Variants in AIG1 observed in about 807,000 individuals in gnomAD.
The protein encoded by AIG1 is androgen-induced gene 1 protein.
Under a neutral mutation model 31.4 loss-of-function variants are expected in AIG1, and 23 were observed. The ratio of observed to expected loss-of-function variants is 0.73; its 90% confidence interval spans 0.53 to 1.04. The LOEUF (loss-of-function observed/expected upper bound fraction) is 1.04. AIG1 is among the 50% of genes least tolerant of loss of function. The probability of loss-of-function intolerance (pLI) is 0.00; values close to 1 mark genes in which losing one functional copy is unlikely to be tolerated. For synonymous variants in AIG1, 100 were observed against 110.5 expected, an observed-to-expected ratio of 0.90 and a Z score of 0.60; for missense variants, 274 against 295.0, an observed-to-expected ratio of 0.93 and a Z score of 0.52.
At chr6:143,317,596 A>G (rs964520114) in intron 4 of AIG1, among the ~76,000 whole-genome samples, 2 of 152,186 alleles carry the variant, frequency 1.3e-5, no homozygotes, top group Non-Finnish European at 2.9e-5. Flanking sequence ...AACTGGAACA[A>G]GACAAGGATG....
At chr6:143,121,409 A>G (rs965810249) in intron 1 of AIG1, among the ~76,000 whole-genome samples, 1 of 152,244 alleles carries the variant, frequency 6.6e-6, no homozygotes, top group African/African-American at 2.4e-5. Flanking sequence ...ATATTTTTCA[A>G]AGTGCCTGAG....
intron 3 of AIG1, among the ~76,000 whole-genome samples, chr6:143,251,599 A>G (rs903813972): frequency 6.6e-6 from 1 of 152,182 alleles, no homozygotes; most frequent in Admixed American, 6.5e-5. Context: ...TGTGCTGCCT[A>G]TTATGGGTGC....
chr6:143,112,757 A>C (rs761229285), intron 1 of AIG1, among the ~76,000 whole-genome samples: 3 of 152,168 alleles, frequency 2.0e-5, no homozygotes, highest in Admixed American at 2.0e-4. Context: ...AACTCCTGGC[A>C]ACCCCATCAC....
intron 1 of AIG1, among the ~76,000 whole-genome samples, chr6:143,127,183 C>A (rs1480083240): frequency 2.0e-5 from 3 of 152,114 alleles, no homozygotes; most frequent in South Asian, 2.1e-4. Context: ...TATCATTTCC[C>A]CTTTAATTAA....
chr6:143,074,580 C>T (rs551247443), intron 1 of AIG1, among the ~76,000 whole-genome samples: 68 of 152,244 alleles, frequency 4.5e-4, no homozygotes, highest in African/African-American at 1.6e-3. Context: ...TTTCTGAGCT[C>T]TTGATTCTGT....
At position 143,257,040 on chromosome 6, in the gene AIG1, T is replaced by A. The variant is rs546605230; in HGVS notation, c.400-27070T>A. Reference sequence around the variant, plus strand: ...AAAGCATGCAGCTAGAGTCACAGAATCTACACATTTAAGATATCTTATGGC... The same window carrying A: ...AAAGCATGCAGCTAGAGTCACAGAAACTACACATTTAAGATATCTTATGGC... On this transcript the variant is annotated intron_variant, in intron 3 of 5. Coordinates refer to ENST00000357847, the MANE Select transcript of AIG1 (RefSeq NM_016108.4). Among the ~76,000 whole-genome samples, 4 of 152,354 alleles carry A rather than the reference T, an allele frequency of 2.6e-5. No individual in the cohort carries two copies. In the East Asian group the frequency reaches 5.8e-4, roughly 22 times the overall value.
At chr6:143,061,261 C>T (rs753595282) in intron 1 of AIG1, 195 bp downstream of exon 1, 1 of 732,530 alleles carries the variant, frequency 1.4e-6, no homozygotes, top group South Asian at 1.5e-5. Flanking sequence ...ACCTTCTGAA[C>T]CACTCACCGT....
intron 3 of AIG1, among the ~76,000 whole-genome samples, chr6:143,171,339 A>G (rs1368220523): frequency 7.5e-5 from 11 of 147,222 alleles, no homozygotes; most frequent in African/African-American, 1.5e-4. Context: ...ATGGTTTCCA[A>G]TTCCATCCAG....
chr6:143,169,590 A>G (rs547063446), intron 3 of AIG1, among the ~76,000 whole-genome samples: 30 of 151,924 alleles, frequency 2.0e-4, no homozygotes, highest in Non-Finnish European at 3.4e-4. Context: ...CAGCCTCTCC[A>G]TACTCTCCCC....
At chr6:143,269,621 A>G (rs933721019) in intron 3 of AIG1, among the ~76,000 whole-genome samples, 4 of 152,358 alleles carry the variant, frequency 2.6e-5, no homozygotes, top group Admixed American at 1.3e-4. Flanking sequence ...TAGTCACACA[A>G]TGGAGTACTA....
chr6:143,063,327 G>A (rs1328680111), intron 1 of AIG1, among the ~76,000 whole-genome samples: 2 of 152,212 alleles, frequency 1.3e-5, no homozygotes, highest in Admixed American at 1.3e-4. Flanking sequence ...GCTTCAGATT[G>A]TATAGGACCT....
At position 143,288,112 on chromosome 6, in the gene AIG1, G is replaced by A. The variant is rs67976828; in HGVS notation, c.515+3887G>A. 0.14 allele frequency among the ~76,000 whole-genome samples: 21,015 copies of A among 152,122 alleles called. 1,660 individuals are homozygous for A. Among genetic ancestry groups the A allele is most frequent in the East Asian group, 0.36 (1,876 of 5,166 alleles). Reference sequence around the variant, plus strand: ...TTTGCTCCACCTGGTGCAGCCGTCTGGGGCTGAATCTTTTCCCGGGCTGGC... The same window carrying A: ...TTTGCTCCACCTGGTGCAGCCGTCTAGGGCTGAATCTTTTCCCGGGCTGGC... On this transcript the variant is annotated intron_variant, in intron 4 of 5. Transcript: ENST00000357847. This position sits in a 1 kb window ranked among gnomAD's most constrained non-coding sequence, Gnocchi z 4.4.
chr6:143,143,531 ATAT>A (rs1784452594), intron 2 of AIG1, among the ~76,000 whole-genome samples: 8 of 99,800 alleles, frequency 8.0e-5, no homozygotes, highest in East Asian at 3.7e-4. Flanking sequence ...AAAAAAAAAT[ATAT>A]ATATATATAT....
chr6:143,292,924 G>A lies in AIG1; in HGVS notation c.515+8699G>A, dbSNP rs926849675. 2.5e-4 allele frequency among the ~76,000 whole-genome samples: 38 copies of A among 152,234 alleles called. No homozygotes were observed. Among genetic ancestry groups the A allele is most frequent in the African/African-American group, 8.2e-4 (34 of 41,538 alleles). On this transcript the variant is annotated intron_variant, in intron 4 of 5. Coordinates refer to ENST00000357847, the MANE Select transcript of AIG1 (RefSeq NM_016108.4). This position sits in a 1 kb window ranked among gnomAD's most constrained non-coding sequence, Gnocchi z 4.9. ...TCTTTCTGCAACTTTCTTCCCTCAC[G>A]AACCTTACCCTGGAAGGCAGAAGTC...
At chr6:143,158,100 A>G (rs558718238) in intron 2 of AIG1, among the ~76,000 whole-genome samples, 1 of 152,080 alleles carries the variant, frequency 6.6e-6, no homozygotes, top group East Asian at 1.9e-4. Flanking sequence ...TCCTCAGCTC[A>G]TTTTTATCAC....
chr6:143,228,222 A>T (rs998350595), intron 3 of AIG1, among the ~76,000 whole-genome samples: 1 of 152,022 alleles, frequency 6.6e-6, no homozygotes, highest in Non-Finnish European at 1.5e-5. Flanking sequence ...CTCATAGTTT[A>T]CTGTTCTCCG....
At chr6:143,244,665 G>A (rs1482811513) in intron 3 of AIG1, among the ~76,000 whole-genome samples, 1 of 152,206 alleles carries the variant, frequency 6.6e-6, no homozygotes, top group East Asian at 1.9e-4. Context: ...AACACTGTGA[G>A]CATCAAGGTA....
chr6:143,105,477 T>A (rs1174418048), intron 1 of AIG1, among the ~76,000 whole-genome samples: 1 of 152,222 alleles, frequency 6.6e-6, no homozygotes, highest in Non-Finnish European at 1.5e-5. Context: ...GTATCATAGC[T>A]GGAATGCTTT....
At chr6:143,337,131 CA>C (rs1777556115) in intron 5 of AIG1, among the ~76,000 whole-genome samples, 1 of 152,242 alleles carries the variant, frequency 6.6e-6, no homozygotes, top group African/African-American at 2.4e-5. Flanking sequence ...CTACCCTCTA[CA>C]ACCAAGGAGG....
Sources: allele counts gnomAD v4.1 joint callset (sites outside exome capture counted in the v4.1 genomes callset), GRCh38; gene constraint gnomAD v4.1.1; non-coding constraint Gnocchi (gnomAD v3.1); transcripts MANE v1.5; gene names NCBI Gene and HGNC (gene_info 2026-07-23, HGNC 2026-07-21).